TUBGCP6: variants seen among roughly 807,000 people sequenced by gnomAD.
The protein encoded by TUBGCP6 is tubulin gamma complex component 6.
TUBGCP6 carries 161 observed loss-of-function variants against 175.8 expected under a neutral mutation model. That is an observed-to-expected ratio of 0.92 (90% CI 0.81 to 1.04). The LOEUF (loss-of-function observed/expected upper bound fraction) is 1.04. Ranked by LOEUF, TUBGCP6 falls within the 50% of genes least tolerant of loss-of-function variation. TUBGCP6 has a pLI of 0.00. For synonymous variants in TUBGCP6, 1,173 were observed against 1,030.5 expected (o/e 1.14, Z -2.65); for missense variants, 2,572 against 2,433.0 (o/e 1.06, Z -1.20).
At chr22:50,235,573 G>A (rs1423859057) in intron 2 of TUBGCP6, among the ~76,000 whole-genome samples, 2 of 152,238 alleles carry the variant, frequency 1.3e-5, no homozygotes, top group African/African-American at 4.8e-5. Flanking sequence ...ACGCCAAGTG[G>A]AGTAAAATGA....
Position 50,234,220 on chromosome 22 carries a change from G to A in TUBGCP6, c.906-694C>T, listed in dbSNP as rs530529702. Among the ~76,000 whole-genome samples the A allele has an allele frequency of 4.6e-3, 628 of 135,270 alleles. 1 individual carries two copies. Among genetic ancestry groups the A allele is most frequent in the Non-Finnish European group, 7.3e-3 (468 of 64,438 alleles). The allele number at this position is 135,270 out of a possible 152,430, so 88.7% of individuals were successfully genotyped here. A position where few individuals can be genotyped will look rare whatever the true frequency, so the allele number is the denominator to read the frequency against. Reference sequence around the variant, plus strand: ...CGTCCACAGCAGCATCTACACCCAGGTCCACAGCAGCATCATCCACACCCT... The same window carrying A: ...CGTCCACAGCAGCATCTACACCCAGATCCACAGCAGCATCATCCACACCCT... On this transcript the variant is annotated intron_variant, in intron 2 of 24. Coordinates refer to ENST00000248846, the MANE Select transcript of TUBGCP6 (RefSeq NM_020461.4).
chr22:50,236,109 C>T (rs2064775527), intron 2 of TUBGCP6, among the ~76,000 whole-genome samples: 1 of 149,956 alleles, frequency 6.7e-6, no homozygotes, highest in Non-Finnish European at 1.5e-5. Flanking sequence ...TCAGAAAAAC[C>T]GTAAGAGATG....
chr22:50,224,071 TA>T (rs2064568403), intron 13 of TUBGCP6, 69 bp downstream of exon 13: 1 of 1,343,928 alleles, frequency 7.4e-7, no homozygotes, highest in Admixed American at 1.9e-5. Context: ...AAATCATCAG[TA>T]AGATTAAGCC....
chr22:50,229,554 C>T lies in TUBGCP6; in HGVS notation c.1140G>A (p.Lys380=), dbSNP rs765450491. 1 of 1,598,284 alleles carries T rather than the reference C, an allele frequency of 6.3e-7. No individual in the cohort carries two copies. The highest frequency in any genetic ancestry group is 1.1e-5 in the South Asian group (1 of 88,644). ...LCQPAQAFVV[K]RGVHVSGASP... ...ACGCTCCTGACACGTGGACGCCCCGCTTCACCACAAAGGCCTGGGCCGGCT... is the reference window on the plus strand; with the variant it reads ...ACGCTCCTGACACGTGGACGCCCCGTTTCACCACAAAGGCCTGGGCCGGCT... Residue 380 remains lysine (K), a synonymous_variant, in exon 4 of 25, where the codon AAG becomes AAA. Coordinates refer to ENST00000248846, the MANE Select transcript of TUBGCP6 (RefSeq NM_020461.4).
rs1198763233 is a variant in TUBGCP6 at position 50,221,476 on chromosome 22, C to T, written c.2883G>A (p.Val961=). ...GGGGCCCTGGTGCAGGTGAGGTGGC[C>T]ACAGCTGGCCTCAGGACAGTACTAA... is the stretch of plus-strand genomic sequence containing the variant. ...YDFSTVLRPA[V]ATSPAPGPLQ... The change falls in exon 16 of 25, where the codon GTG becomes GTA. Residue 961 remains valine, a synonymous_variant. Coordinates refer to ENST00000248846, the MANE Select transcript of TUBGCP6 (RefSeq NM_020461.4). 6.3e-7 allele frequency: 1 copy of T among 1,590,766 alleles called. No homozygotes were observed. The highest frequency in any genetic ancestry group is 8.5e-7 in the Non-Finnish European group (1 of 1,170,300).
In TUBGCP6 at chr22:50,219,287, C is replaced by G; in HGVS notation, c.4484+1G>C. ...ACTGGCGCAGGGGCAGGGGCACTCA[C>G]TGGGCGGCCAGCGGTGCCGTGATGG... On this transcript the variant is annotated splice_donor_variant, in intron 19 of 24. Transcript: ENST00000248846. LOFTEE classifies it high-confidence loss of function. 1 of 1,604,440 alleles carries G rather than the reference C, an allele frequency of 6.2e-7. No individual in the cohort carries two copies. The highest frequency in any genetic ancestry group is 1.7e-4 in the Middle Eastern group (1 of 5,940).
intron 10 of TUBGCP6, among the ~76,000 whole-genome samples, 193 bp from the exon 11 acceptor site, chr22:50,224,785 T>C (rs910740095): frequency 6.6e-6 from 1 of 151,992 alleles, no homozygotes; most frequent in African/African-American, 2.4e-5. Context: ...CAGGTGCCTG[T>C]AGTATCAACT....
At chr22:50,221,985 T>TGGGAAAACCATA in intron 15 of TUBGCP6, 43 bp downstream of exon 15, 2 of 1,611,658 alleles carry the variant, frequency 1.2e-6, no homozygotes, top group Non-Finnish European at 1.7e-6. Flanking sequence ...CCGAGGGCTA[T>TGGGAAAACCATA]GGGAAAACCA....
Position 50,244,669 on chromosome 22 carries a change from G to C in TUBGCP6, c.-210C>G. Reference sequence around the variant, plus strand: ...ACACGCCCTGCCCTCCCCAGTCCAAGCACGCTGCCCGGCGCCCGGCAGCCC... The same window carrying C: ...ACACGCCCTGCCCTCCCCAGTCCAACCACGCTGCCCGGCGCCCGGCAGCCC... On this transcript the variant is annotated 5_prime_UTR_variant, in exon 1 of 25. Coordinates refer to ENST00000248846, the MANE Select transcript of TUBGCP6 (RefSeq NM_020461.4). 1.3e-6 allele frequency: 1 copy of C among 778,792 alleles called. No homozygotes were observed. The highest frequency in any genetic ancestry group is 1.9e-6 in the Non-Finnish European group (1 of 521,038). 48.2% of individuals were successfully genotyped at this position (778,792 alleles called of 1,614,324 possible).
rs745411129 is a variant in TUBGCP6 at position 50,229,539 on chromosome 22, C to A, written c.1155G>T (p.Val385=). 6.9e-6 allele frequency: 11 copies of A among 1,602,838 alleles called. No individual in the cohort carries two copies. The highest frequency in any genetic ancestry group is 9.4e-6 in the Non-Finnish European group (11 of 1,175,274). The change falls in exon 4 of 25, where the codon GTG becomes GTT. Residue 385 remains valine (V), a synonymous_variant. Coordinates refer to ENST00000248846, the MANE Select transcript of TUBGCP6 (RefSeq NM_020461.4). Reference sequence around the variant, plus strand: ...TGATGCTCTCGGGAGACGCTCCTGACACGTGGACGCCCCGCTTCACCACAA... The same window carrying A: ...TGATGCTCTCGGGAGACGCTCCTGAAACGTGGACGCCCCGCTTCACCACAA... ...QAFVVKRGVH[V]SGASPESISS...
Position 50,224,121 on chromosome 22 carries a change from T to C in TUBGCP6, c.2270+20A>G. ...CCCTGCCGCACTGCACCCCTGGGCC[T>C]GGAGCCCGGGCTGCCCTACCTCGCC... On this transcript the variant is annotated intron_variant, in intron 13 of 24. Transcript: ENST00000248846. The C allele has an allele frequency of 3.7e-6, 6 of 1,608,422 alleles. No individual in the cohort carries two copies. The highest frequency in any genetic ancestry group is 5.1e-6 in the Non-Finnish European group (6 of 1,177,822).
rs2147187702 is a variant in TUBGCP6, at chr22:50,225,907, TC to T, written c.1869del (p.Ile624SerfsTer3). 1 of 1,613,140 alleles carries T rather than the reference TC, an allele frequency of 6.2e-7. No homozygotes were observed. On this transcript the variant is annotated frameshift_variant, in exon 10 of 25. Transcript: ENST00000248846. LOFTEE classifies it high-confidence loss of function. ...YLCWSDVPVP[R>X]ISVIFSLEEL... ...TCCTCAAGGGAGAAAATCACCGAGA[TC>T]CGGGGGACAGGGACGTCGGACCAAC... is the stretch of plus-strand genomic sequence containing the variant.
intron 19 of TUBGCP6, 21 bp downstream of exon 19, chr22:50,219,267 C>T (rs757582174): frequency 8.7e-6 from 14 of 1,609,596 alleles, no homozygotes; most frequent in East Asian, 2.2e-5. Flanking sequence ...GGCAGACTGG[C>T]GCAGGGGCAG....
In TUBGCP6 at chr22:50,219,315, C is replaced by T. The variant is rs140730243; in HGVS notation, c.4457G>A (p.Arg1486His). The change falls in exon 19 of 25, where the codon CGC becomes CAC. Residue 1486 changes from arginine to histidine, a missense_variant. Coordinates refer to ENST00000248846, the MANE Select transcript of TUBGCP6 (RefSeq NM_020461.4). ...GGCGGCCAGCGGTGCCGTGATGGAG[C>T]GCTTCATGAGCACGGGCAGCGTCAG... ...ELLTLPVLMK[R>H]SITAPLAAHI... The T allele has an allele frequency of 7.2e-5, 116 of 1,603,074 alleles. No homozygotes were observed. The highest frequency in any genetic ancestry group is 3.3e-4 in the Middle Eastern group (2 of 5,986).
In TUBGCP6 at chr22:50,224,267, CAT is replaced by C. The variant is rs767506098; in HGVS notation, c.2155-13_2155-12del. On this transcript the variant is annotated splice_polypyrimidine_tract_variant and intron_variant, in intron 12 of 24. Coordinates refer to ENST00000248846, the MANE Select transcript of TUBGCP6 (RefSeq NM_020461.4). Reference sequence around the variant, plus strand: ...GGCCGCCTGGCGTCGCTATAAAACACATAGAGCCTGGCCTGTGAAATCAGAAC... The same window carrying C: ...GGCCGCCTGGCGTCGCTATAAAACACAGAGCCTGGCCTGTGAAATCAGAAC... 14 of 1,614,084 alleles carry C rather than the reference CAT, an allele frequency of 8.7e-6. No homozygotes were observed. Among genetic ancestry groups the C allele is most frequent in the Non-Finnish European group, 1.1e-5 (13 of 1,180,048 alleles).
rs987343395 is a variant in TUBGCP6 at position 50,244,536 on chromosome 22, G to A, written c.-77C>T. 1 of 1,485,242 alleles carries A rather than the reference G, an allele frequency of 6.7e-7. No homozygotes were observed. Among genetic ancestry groups the A allele is most frequent in the African/African-American group, 1.4e-5 (1 of 71,442 alleles). The allele number at this position is 1,485,242 out of a possible 1,614,324, so 92.0% of individuals were successfully genotyped here. A position where few individuals can be genotyped will look rare whatever the true frequency, so the allele number is the denominator to read the frequency against. On this transcript the variant is annotated 5_prime_UTR_variant, in exon 1 of 25. Coordinates refer to ENST00000248846, the MANE Select transcript of TUBGCP6 (RefSeq NM_020461.4). ...CTTCACTCACGCTCCGGAAGACAGGGAGTGAGAGAGGGTCCGAAGAGGCTG... is the reference window on the plus strand; with the variant it reads ...CTTCACTCACGCTCCGGAAGACAGGAAGTGAGAGAGGGTCCGAAGAGGCTG...
In TUBGCP6 at chr22:50,220,686, C is replaced by T. The variant is rs1461931486; in HGVS notation, c.3673G>A (p.Val1225Ile). ...GCCACGTCCGATACGTTCTCCCCAA[C>T]CCTGATGCTGGTGTCAGACACATGT... ...HGHVSDTSIR[V>I]GENVSDVAPI... Residue 1225 changes from valine to isoleucine, a missense_variant, in exon 16 of 25, where the codon GTT (valine) becomes ATT (isoleucine). Val to Ile is a conservative substitution (Grantham distance 29, BLOSUM62 3). Coordinates refer to ENST00000248846, the MANE Select transcript of TUBGCP6 (RefSeq NM_020461.4). The T allele has an allele frequency of 6.2e-7, 1 of 1,609,528 alleles. No individual in the cohort carries two copies. Among genetic ancestry groups the T allele is most frequent in the Non-Finnish European group, 8.5e-7 (1 of 1,179,552 alleles).
At chr22:50,230,287 T>C (rs940686989) in intron 3 of TUBGCP6, among the ~76,000 whole-genome samples, 7 of 150,764 alleles carry the variant, frequency 4.6e-5, no homozygotes, top group Admixed American at 2.6e-4. Context: ...CTGGGCAACA[T>C]AGCAAGACCC....
rs955033393 is a variant in TUBGCP6 at position 50,220,280 on chromosome 22, G to C, written c.4079C>G (p.Thr1360Ser). The C allele has an allele frequency of 6.4e-7, 1 of 1,572,414 alleles. No individual in the cohort carries two copies. Among genetic ancestry groups the C allele is most frequent in the Non-Finnish European group, 8.7e-7 (1 of 1,155,020 alleles). ...VAPTQPWWPN[T>S]PGDSVSEELG... The stretch of plus-strand genomic sequence containing the variant: ...TTCTTCAGAGACACTGTCTCCCGGG[G>C]TGTTGGGCCACCATGGTTGGGTGGG... The change falls in exon 16 of 25, where the codon ACC becomes AGC. Residue 1360 changes from threonine to serine, a missense_variant. Thr to Ser is a moderately conservative substitution (Grantham distance 58). Transcript: ENST00000248846.
Sources: allele counts gnomAD v4.1 joint callset (sites outside exome capture counted in the v4.1 genomes callset), GRCh38; gene constraint gnomAD v4.1.1; transcripts MANE v1.5; gene names NCBI Gene and HGNC (gene_info 2026-07-23, HGNC 2026-07-21).